The following ERBB4 variants were observed in gnomAD, a reference collection of about 807,000 sequenced individuals.
ERBB4 encodes the protein receptor tyrosine-protein kinase erbB-4.
In ERBB4, 42 loss-of-function variants were observed where a neutral mutation model predicts 158.0. The ratio of observed to expected loss-of-function variants is 0.27; its 90% CI spans 0.21 to 0.34. The LOEUF (loss-of-function observed/expected upper bound fraction) is 0.34, where lower values mean the gene tolerates loss of function less well. Ranked by LOEUF, ERBB4 falls within the 10% of genes least tolerant of loss-of-function variation. The pLI is 1.00. For missense variants in ERBB4, 1,333 were observed against 1,624.1 expected, an observed-to-expected ratio of 0.82 and a Z score of 3.08; for synonymous variants, 583 against 558.7, an observed-to-expected ratio of 1.04 and a Z score of -0.61.
intron 1 of ERBB4, among the ~76,000 whole-genome samples, chr2:212,494,920 T>G (rs1345230844): frequency 6.6e-6 from 1 of 152,130 alleles, no homozygotes; most frequent in African/African-American, 2.4e-5. Context: ...ATAGAGTTAA[T>G]GCAGATATGA....
In ERBB4 at chr2:212,071,441, A is replaced by G. The variant is rs370507610; in HGVS notation, c.234+53311T>C. ...GTGGCCACAGACACTAATCAAAGACATAATACATTTACAGGGTAATGCAGC... is the reference window on the plus strand; with the variant it reads ...GTGGCCACAGACACTAATCAAAGACGTAATACATTTACAGGGTAATGCAGC... On this transcript the variant is annotated intron_variant, in intron 2 of 27. Coordinates refer to ENST00000342788, the MANE Select transcript of ERBB4 (RefSeq NM_005235.3). Among the ~76,000 whole-genome samples, 386 of 152,096 alleles carry G rather than the reference A, an allele frequency of 2.5e-3. 1 individual carries two copies. The highest frequency in any genetic ancestry group is 8.9e-3 in the African/African-American group (370 of 41,540).
chr2:211,937,031 T>C (rs2080343279), intron 3 of ERBB4, among the ~76,000 whole-genome samples: 1 of 152,206 alleles, frequency 6.6e-6, no homozygotes, highest in African/African-American at 2.4e-5. Flanking sequence ...ATAAGAGGTA[T>C]ATTGAACTTC....
intron 25 of ERBB4, among the ~76,000 whole-genome samples, chr2:211,417,793 T>G (rs929051808): frequency 6.6e-6 from 1 of 152,062 alleles, no homozygotes; most frequent in East Asian, 1.9e-4. Flanking sequence ...GTAGAGCACC[T>G]TATAAGAAAG....
At chr2:212,042,999 G>A (rs552658506) in intron 2 of ERBB4, among the ~76,000 whole-genome samples, 7 of 152,200 alleles carry the variant, frequency 4.6e-5, no homozygotes, top group East Asian at 3.9e-4. Context: ...TTAGCTGTGC[G>A]GCAAAGGAAA....
intron 1 of ERBB4, among the ~76,000 whole-genome samples, chr2:212,217,972 A>G (rs2083156702): frequency 6.6e-6 from 1 of 151,284 alleles, no homozygotes; most frequent in African/African-American, 2.4e-5. Context: ...CAACCCAAAG[A>G]TCAATAACTA....
chr2:211,690,950 A>G (rs2072792228), intron 12 of ERBB4, among the ~76,000 whole-genome samples: 1 of 152,128 alleles, frequency 6.6e-6, no homozygotes, highest in Admixed American at 6.5e-5. Context: ...TCTGTTAAAA[A>G]TTTGGAGAGA....
At chr2:212,157,419 A>G (rs1004500407) in intron 1 of ERBB4, among the ~76,000 whole-genome samples, 1 of 152,110 alleles carries the variant, frequency 6.6e-6, no homozygotes, top group African/African-American at 2.4e-5. Flanking sequence ...TGAATTAACC[A>G]GCAGGATTTA....
intron 1 of ERBB4, chr2:212,426,365 G>T: frequency 2.3e-6 from 1 of 428,686 alleles, no homozygotes; most frequent in Non-Finnish European, 4.6e-6. Flanking sequence ...TTATTAGAAA[G>T]ATGGTGGTTA....
intron 1 of ERBB4, among the ~76,000 whole-genome samples, chr2:212,197,771 G>T (rs936110656): frequency 1.3e-5 from 2 of 152,140 alleles, no homozygotes; most frequent in Non-Finnish European, 2.9e-5. Context: ...TAGCATTTTT[G>T]AAGGGTCTAT....
chr2:211,712,780 G>T (rs940066830), intron 8 of ERBB4, among the ~76,000 whole-genome samples: 13 of 16,596 alleles, frequency 7.8e-4, no homozygotes, highest in South Asian at 4.3e-3. Flanking sequence ...TGTGTGGGTG[G>T]GGGGGGATGT....
intron 2 of ERBB4, among the ~76,000 whole-genome samples, chr2:212,085,726 TAATA>T (rs2078584926): frequency 6.6e-6 from 1 of 151,916 alleles, no homozygotes; most frequent in South Asian, 2.1e-4. Context: ...TGTTATTTGT[TAATA>T]TTTATTTATA....
chr2:212,042,881 G>C (rs2077173402), intron 2 of ERBB4, among the ~76,000 whole-genome samples: 1 of 152,090 alleles, frequency 6.6e-6, no homozygotes, highest in African/African-American at 2.4e-5. Context: ...ATCTTTCTTA[G>C]ATAATTACTT....
At chr2:212,307,486 C>T (rs1242653629) in intron 1 of ERBB4, among the ~76,000 whole-genome samples, 1 of 150,662 alleles carries the variant, frequency 6.6e-6, no homozygotes, top group Non-Finnish European at 1.5e-5. Flanking sequence ...GAAATAGCTA[C>T]CACTTTGCCC....
intron 1 of ERBB4, among the ~76,000 whole-genome samples, chr2:212,138,060 C>A (rs1276098076): frequency 6.6e-6 from 1 of 151,990 alleles, no homozygotes; most frequent in Non-Finnish European, 1.5e-5. Context: ...TAAGATAAAT[C>A]CTCTGTAGAA....
intron 3 of ERBB4, among the ~76,000 whole-genome samples, chr2:211,856,015 G>A (rs1205767087): frequency 6.6e-6 from 1 of 152,000 alleles, no homozygotes; most frequent in Non-Finnish European, 1.5e-5. Flanking sequence ...TGGGTACAAC[G>A]TACCTTATTT....
At chr2:212,011,632 C>T (rs1016598395) in intron 2 of ERBB4, among the ~76,000 whole-genome samples, 3 of 151,980 alleles carry the variant, frequency 2.0e-5, no homozygotes, top group African/African-American at 7.3e-5. Context: ...TGTCTGTAAT[C>T]CAAGCCACTC....
intron 5 of ERBB4, among the ~76,000 whole-genome samples, chr2:211,725,515 C>G (rs2074238045): frequency 6.6e-6 from 1 of 151,960 alleles, no homozygotes; most frequent in Non-Finnish European, 1.5e-5. Context: ...GAGACTGAGA[C>G]AGGAGGATTG....
intron 1 of ERBB4, among the ~76,000 whole-genome samples, chr2:212,256,992 T>C (rs1431798815): frequency 6.6e-6 from 1 of 152,118 alleles, no homozygotes; most frequent in Non-Finnish European, 1.5e-5. Flanking sequence ...GATGCTGAGG[T>C]TTAGGGTACG....
chr2:211,435,912 T>C (rs535859031), intron 20 of ERBB4, among the ~76,000 whole-genome samples: 13 of 152,236 alleles, frequency 8.5e-5, no homozygotes, highest in African/African-American at 2.9e-4. Context: ...CAGGGTTAGG[T>C]GGACATGGAG....
Sources: allele counts gnomAD v4.1 joint callset (sites outside exome capture counted in the v4.1 genomes callset), GRCh38; gene constraint gnomAD v4.1.1; transcripts MANE v1.5; gene names NCBI Gene and HGNC (gene_info 2026-07-23, HGNC 2026-07-21).